Variants in NTNG1 observed in about 807,000 individuals in gnomAD.
NTNG1 encodes the protein netrin G1.
A neutral mutation model predicts 54.0 loss-of-function variants in NTNG1; 16 were observed. The observed-to-expected ratio is 0.30, with a 90% CI of 0.20 to 0.45. The LOEUF is 0.45. Ranked by LOEUF, NTNG1 falls within the 20% of genes least tolerant of loss-of-function variation. The pLI is 1.00. For missense variants in NTNG1, 530 were observed against 678.7 expected, an observed-to-expected ratio of 0.78 and a Z score of 2.43; for synonymous variants, 255 against 263.1, an observed-to-expected ratio of 0.97 and a Z score of 0.30.
At chr1:107,387,393 C>T (rs1366285404) in intron 3 of NTNG1, among the ~76,000 whole-genome samples, 3 of 152,200 alleles carry the variant, frequency 2.0e-5, no homozygotes, top group African/African-American at 7.2e-5. Flanking sequence ...CTCTGACATA[C>T]TGGTGAGCTC....
intron 3 of NTNG1, among the ~76,000 whole-genome samples, chr1:107,377,802 G>A (rs555471665): frequency 8.1e-4 from 123 of 152,346 alleles, no homozygotes; most frequent in Non-Finnish European, 1.5e-3. Context: ...ATGTGCAAAC[G>A]AGGCATCAGA....
At position 107,349,721 on chromosome 1, in the gene NTNG1, T is replaced by C. The variant is rs146713173; in HGVS notation, c.887+24799T>C. On this transcript the variant is annotated intron_variant, in intron 3 of 7. Transcript: ENST00000370068. ...GGTTAGTTTTAAGTGTCGTAGTGTA[T>C]GCCTTCTTCTGAGACTTGCTTTTCT... Among the ~76,000 whole-genome samples, 829 of 152,298 alleles carry C rather than the reference T, an allele frequency of 5.4e-3. 4 individuals are homozygous for C. The highest frequency in any genetic ancestry group is 0.017 in the Middle Eastern group (5 of 294).
At position 107,480,910 on chromosome 1, in the gene NTNG1, T is replaced by C. The variant is rs2101619728; in HGVS notation, c.*70T>C. 1 of 1,218,922 alleles carries C rather than the reference T, an allele frequency of 8.2e-7. No homozygotes were observed. Among genetic ancestry groups the C allele is most frequent in the South Asian group, 1.3e-5 (1 of 75,042 alleles). 75.5% of individuals were successfully genotyped at this position (1,218,922 alleles called of 1,614,324 possible). On this transcript the variant is annotated 3_prime_UTR_variant, in exon 8 of 8. Transcript: ENST00000370068. Reference sequence around the variant, plus strand: ...CAGACACAACCCAAACATTTGCTACTAACATAGGAAACACACACATACAGA... The same window carrying C: ...CAGACACAACCCAAACATTTGCTACCAACATAGGAAACACACACATACAGA...
intron 2 of NTNG1, among the ~76,000 whole-genome samples, chr1:107,228,817 C>T (rs1570908647): frequency 1.3e-5 from 2 of 152,152 alleles, no homozygotes; most frequent in South Asian, 4.1e-4. Context: ...AATGGGGAGT[C>T]TCAGCTGGCA....
At chr1:107,466,278 A>G (rs1269636280) in intron 7 of NTNG1, among the ~76,000 whole-genome samples, 1 of 152,346 alleles carries the variant, frequency 6.6e-6, no homozygotes, top group African/African-American at 2.4e-5. Context: ...TATAAAATAG[A>G]CACAGTTGAG....
At chr1:107,155,571 C>T (rs1557766689) in intron 2 of NTNG1, among the ~76,000 whole-genome samples, 2 of 152,138 alleles carry the variant, frequency 1.3e-5, no homozygotes, top group African/African-American at 2.4e-5. Context: ...CCCACATACA[C>T]ATTCGCTTCA....
intron 2 of NTNG1, among the ~76,000 whole-genome samples, chr1:107,238,252 G>A (rs1661552022): frequency 6.6e-6 from 1 of 152,142 alleles, no homozygotes; most frequent in Admixed American, 6.5e-5. Flanking sequence ...GGGGTCTATA[G>A]CCCCTTTGTT....
At chr1:107,159,734 C>G (rs72979555) in intron 2 of NTNG1, among the ~76,000 whole-genome samples, 10,601 of 152,172 alleles carry the variant, frequency 0.07, 1,206 homozygotes, top group African/African-American at 0.24. Context: ...ACAATACTAT[C>G]ATTTTGTTAT....
chr1:107,330,230 A>G (rs1298497755), intron 3 of NTNG1, among the ~76,000 whole-genome samples: 2 of 152,130 alleles, frequency 1.3e-5, no homozygotes, highest in Non-Finnish European at 2.9e-5. Context: ...GGAAGCTCTG[A>G]AGGATTCCTA....
chr1:107,379,893 G>T (rs1232730011), intron 3 of NTNG1, among the ~76,000 whole-genome samples: 1 of 152,174 alleles, frequency 6.6e-6, no homozygotes, highest in Non-Finnish European at 1.5e-5. Context: ...GAGAAGGAAA[G>T]AACATCAATA....
intron 2 of NTNG1, among the ~76,000 whole-genome samples, chr1:107,169,246 T>G (rs572338261): frequency 3.3e-5 from 5 of 152,218 alleles, no homozygotes; most frequent in Admixed American, 3.3e-4. Flanking sequence ...TTTGGAGAAT[T>G]ACTAGTTCTG....
intron 2 of NTNG1, among the ~76,000 whole-genome samples, chr1:107,179,187 T>C (rs1353089550): frequency 6.6e-6 from 1 of 152,182 alleles, no homozygotes; most frequent in African/African-American, 2.4e-5. Context: ...GAGGACTTTC[T>C]TTTTATCCTG....
At chr1:107,145,003 A>G (rs1047176660) in intron 1 of NTNG1, among the ~76,000 whole-genome samples, 6 of 152,042 alleles carry the variant, frequency 3.9e-5, no homozygotes. Flanking sequence ...AGACAAATTT[A>G]AAGGCCACGT....
At chr1:107,247,978 G>A (rs1377073432) in intron 2 of NTNG1, among the ~76,000 whole-genome samples, 1 of 152,212 alleles carries the variant, frequency 6.6e-6, no homozygotes, top group African/African-American at 2.4e-5. Flanking sequence ...CATTTAGATA[G>A]TTGTAGAGTT....
intron 5 of NTNG1, among the ~76,000 whole-genome samples, chr1:107,420,800 A>T (rs1222702880): frequency 1.3e-5 from 2 of 152,052 alleles, no homozygotes; most frequent in South Asian, 2.1e-4. Flanking sequence ...CCTACTATCC[A>T]TATTGTTATG....
intron 2 of NTNG1, among the ~76,000 whole-genome samples, chr1:107,271,197 G>A (rs1246685681): frequency 6.6e-6 from 1 of 152,020 alleles, no homozygotes; most frequent in Non-Finnish European, 1.5e-5. Flanking sequence ...GATATTGTAA[G>A]AATTTTTTTT....
intron 2 of NTNG1, among the ~76,000 whole-genome samples, chr1:107,301,007 A>G (rs1052700549): frequency 6.6e-6 from 1 of 152,118 alleles, no homozygotes; most frequent in African/African-American, 2.4e-5. Context: ...CTAAAAGCTT[A>G]TGACTTTTTG....
rs185239492 is a variant in NTNG1, at chr1:107,480,497, G to A, written c.1391-114G>A. On this transcript the variant is annotated intron_variant, in intron 7 of 7. Coordinates refer to ENST00000370068, the MANE Select transcript of NTNG1 (RefSeq NM_001113226.3). Reference sequence around the variant, plus strand: ...TGTGGAGGGGAGGGGGGAGCACAAAGATCGATAGAGATTTTTTTTTTAGGC... The same window carrying A: ...TGTGGAGGGGAGGGGGGAGCACAAAAATCGATAGAGATTTTTTTTTTAGGC... 1,569 of 676,822 alleles carry A rather than the reference G, an allele frequency of 2.3e-3. 3 individuals are homozygous for A. Among genetic ancestry groups the A allele is most frequent in the Middle Eastern group, 3.4e-3 (8 of 2,370 alleles). The allele number at this position is 676,822 out of a possible 1,614,324, so 41.9% of individuals were successfully genotyped here. A position where few individuals can be genotyped will look rare whatever the true frequency, so the allele number is the denominator to read the frequency against.
chr1:107,155,061 G>A (rs544390561), intron 2 of NTNG1, among the ~76,000 whole-genome samples: 62 of 152,232 alleles, frequency 4.1e-4, no homozygotes, highest in African/African-American at 1.4e-3. Flanking sequence ...CTTGCAAAGT[G>A]TGAGAAGCAT....
Sources: allele counts gnomAD v4.1 joint callset (sites outside exome capture counted in the v4.1 genomes callset), GRCh38; gene constraint gnomAD v4.1.1; transcripts MANE v1.5; gene names NCBI Gene and HGNC (gene_info 2026-07-23, HGNC 2026-07-21).